PSMD1: variants seen among roughly 807,000 people sequenced by gnomAD.
PSMD1 encodes 26S proteasome non-ATPase regulatory subunit 1.
In PSMD1, 18 loss-of-function variants were observed where a neutral mutation model predicts 119.0. The ratio of observed to expected loss-of-function variants is 0.15; its 90% CI spans 0.10 to 0.22. The LOEUF is 0.22. PSMD1 is among the 10% of genes least tolerant of loss of function. The pLI, the probability that PSMD1 is intolerant of heterozygous loss-of-function variation, is 1.00. For missense variants in PSMD1, 702 were observed against 1,158.5 expected (o/e 0.61, Z 5.72); for synonymous variants, 374 against 396.6 (o/e 0.94, Z 0.68).
At chr2:231,075,169 G>A (rs1694131530) in intron 7 of PSMD1, among the ~76,000 whole-genome samples, 1 of 152,154 alleles carries the variant, frequency 6.6e-6, no homozygotes, top group African/African-American at 2.4e-5. Flanking sequence ...AAGAGTAGTT[G>A]GGGTCCCAGC....
intron 17 of PSMD1, among the ~76,000 whole-genome samples, chr2:231,144,223 T>TA (rs1352661284): frequency 1.3e-5 from 2 of 151,648 alleles, no homozygotes; most frequent in East Asian, 1.9e-4. Flanking sequence ...CACCCAACCT[T>TA]ACGCTAATAT....
chr2:231,123,261 A>T (rs1204861907), intron 16 of PSMD1: 5 of 692,608 alleles, frequency 7.2e-6, no homozygotes, highest in East Asian at 2.7e-5. Context: ...ATAGAGAATG[A>T]TATAAAACAA....
In PSMD1 at chr2:231,057,002, G is replaced by C. The variant is rs751789853; in HGVS notation, c.-24G>C. 4 of 1,540,068 alleles carry C rather than the reference G, an allele frequency of 2.6e-6. No homozygotes were observed. The African/African-American group carries it at 4.2e-5, about 16-fold the overall frequency. ...GCGCAGCTGGAACGGCGAGCGAGCC[G>C]ACGGGCGAGTGAGGGGCGCAGCCAT... On this transcript the variant is annotated 5_prime_UTR_variant, in exon 1 of 25. Coordinates refer to ENST00000308696, the MANE Select transcript of PSMD1 (RefSeq NM_002807.4).
At chr2:231,070,197 A>C (rs371551589) in intron 6 of PSMD1, 29 bp downstream of exon 6, 3 of 1,496,156 alleles carry the variant, frequency 2.0e-6, no homozygotes, top group Non-Finnish European at 2.7e-6. Context: ...GTTTCATTAC[A>C]TTGCTCCACG....
chr2:231,164,310 A>G (rs1404527477), intron 21 of PSMD1, among the ~76,000 whole-genome samples: 1 of 152,192 alleles, frequency 6.6e-6, no homozygotes, highest in African/African-American at 2.4e-5. Context: ...ATAGTTATTA[A>G]CTAATTTGCC....
intron 17 of PSMD1, 98 bp from the exon 18 acceptor site, chr2:231,146,142 A>G: frequency 1.3e-6 from 1 of 784,922 alleles, no homozygotes; most frequent in South Asian, 1.5e-5. Context: ...GCAGTGTGTC[A>G]CTTCCCAGAA....
rs184684896 is a variant in PSMD1 at position 231,098,031 on chromosome 2, A to G, written c.1883+10850A>G. ...TGCTAAGTTTCCTCCCTGTCGTGAG[A>G]GACATGAATTGAACTTAGTGTTGGG... is the stretch of plus-strand genomic sequence containing the variant. On this transcript the variant is annotated intron_variant, in intron 16 of 24. Coordinates refer to ENST00000308696, the MANE Select transcript of PSMD1 (RefSeq NM_002807.4). 2.5e-4 allele frequency among the ~76,000 whole-genome samples: 38 copies of G among 152,328 alleles called. 1 individual carries two copies. The highest frequency in any genetic ancestry group is 4.7e-4 in the Non-Finnish European group (32 of 68,024).
Position 231,170,819 on chromosome 2 carries a change from G to A in PSMD1, c.*9+98G>A. On this transcript the variant is annotated intron_variant, in intron 24 of 24. Transcript: ENST00000308696. The surrounding 1 kb of genome is among the most constrained non-coding windows in gnomAD (Gnocchi z 4.1). ...ATCTCACGTTTTTCCTTCCTTTTGTGTTTAATCCTTATTTACCTAAACAGT... is the reference window on the plus strand; with the variant it reads ...ATCTCACGTTTTTCCTTCCTTTTGTATTTAATCCTTATTTACCTAAACAGT... 1 of 1,290,242 alleles carries A rather than the reference G, an allele frequency of 7.8e-7. No homozygotes were observed. Among genetic ancestry groups the A allele is most frequent in the South Asian group, 1.6e-5 (1 of 60,634 alleles). 79.9% of individuals were successfully genotyped at this position (1,290,242 alleles called of 1,614,324 possible). A position where few individuals can be genotyped will look rare whatever the true frequency, so the allele number is the denominator to read the frequency against.
At chr2:231,062,734 A>G (rs1693790925) in intron 4 of PSMD1, 59 bp downstream of exon 4, 16 of 1,320,722 alleles carry the variant, frequency 1.2e-5, no homozygotes, top group Non-Finnish European at 1.5e-5. Context: ...GCTGTAGTGC[A>G]CATAGAAGCT....
chr2:231,099,335 T>C (rs113292743), intron 16 of PSMD1, among the ~76,000 whole-genome samples: 3,302 of 152,292 alleles, frequency 0.022, 130 homozygotes, highest in African/African-American at 0.075. Flanking sequence ...CACTGGACTT[T>C]TACCATTAAC....
rs35630799 is a variant in PSMD1 at position 231,092,214 on chromosome 2, C to T, written c.1883+5033C>T. 5.9e-4 allele frequency among the ~76,000 whole-genome samples: 90 copies of T among 152,202 alleles called. No homozygotes were observed. In the East Asian group the frequency reaches 0.014, roughly 24 times the overall value. The stretch of plus-strand genomic sequence containing the variant: ...AAGAGCAGAGGAACCTTGCCAATCA[C>T]GTGTCAAATTGGTGGGAATGCTTCA... On this transcript the variant is annotated intron_variant, in intron 16 of 24. Transcript: ENST00000308696.
chr2:231,136,879 T>C (rs1695976647), intron 16 of PSMD1, among the ~76,000 whole-genome samples: 1 of 149,804 alleles, frequency 6.7e-6, no homozygotes, highest in Admixed American at 6.7e-5. Flanking sequence ...GATATTTTTT[T>C]CTCCTTAGCA....
At chr2:231,097,957 C>T (rs112055098) in intron 16 of PSMD1, among the ~76,000 whole-genome samples, 1 of 152,156 alleles carries the variant, frequency 6.6e-6, no homozygotes. Context: ...TGATTGATAA[C>T]CTGTTGAAAA....
intron 19 of PSMD1, among the ~76,000 whole-genome samples, chr2:231,154,211 C>T (rs1177283569): frequency 1.3e-5 from 2 of 152,154 alleles, no homozygotes; most frequent in Non-Finnish European, 2.9e-5. Flanking sequence ...GCAGGTGGAT[C>T]ACCTGAGGTC....
intron 19 of PSMD1, among the ~76,000 whole-genome samples, chr2:231,157,586 T>TTG (rs1553568809): frequency 6.6e-6 from 1 of 150,752 alleles, no homozygotes; most frequent in Non-Finnish European, 1.5e-5. Flanking sequence ...TTCTTTTTTT[T>TTG]GGGGGGGGCC....
Position 231,108,910 on chromosome 2 carries a change from A to T in PSMD1, c.1883+21729A>T, listed in dbSNP as rs148928503. ...TTTGGAGAGTAGTTTGGTTACAGGA[A>T]TCACATAAAACTAAAGTTATATTTG... is the stretch of plus-strand genomic sequence containing the variant. On this transcript the variant is annotated intron_variant, in intron 16 of 24. Coordinates refer to ENST00000308696, the MANE Select transcript of PSMD1 (RefSeq NM_002807.4). 44 of 1,614,038 alleles carry T rather than the reference A, an allele frequency of 2.7e-5. 1 individual carries two copies. In the Middle Eastern group the frequency reaches 9.9e-4, roughly 36 times the overall value.
chr2:231,103,019 TG>T (rs1182803591), intron 16 of PSMD1, among the ~76,000 whole-genome samples: 3 of 152,264 alleles, frequency 2.0e-5, no homozygotes, highest in Non-Finnish European at 4.4e-5. Flanking sequence ...CCAGGTTCCC[TG>T]GGAGTGAATC....
chr2:231,082,361 A>G (rs879923841), intron 12 of PSMD1, among the ~76,000 whole-genome samples: 10 of 152,190 alleles, frequency 6.6e-5, no homozygotes, highest in Admixed American at 6.5e-4. Flanking sequence ...CCACCAGTCC[A>G]GCCTCAGCTC....
intron 16 of PSMD1, among the ~76,000 whole-genome samples, chr2:231,098,467 T>TTCTCTCTCTCTCTGTCTCTA (rs1694779675): frequency 1.3e-5 from 2 of 149,704 alleles, no homozygotes; most frequent in Non-Finnish European, 3.0e-5. Context: ...CTCTGTCTCT[T>TTCTCTCTCTCTCTGTCTCTA]TCTCTCTCTC....
Sources: allele counts gnomAD v4.1 joint callset (sites outside exome capture counted in the v4.1 genomes callset), GRCh38; gene constraint gnomAD v4.1.1; non-coding constraint Gnocchi (gnomAD v3.1); transcripts MANE v1.5; gene names NCBI Gene and HGNC (gene_info 2026-07-23, HGNC 2026-07-21).